RPS6KA2: variants seen among roughly 807,000 people sequenced by gnomAD.
RPS6KA2 encodes the protein ribosomal protein S6 kinase A2, also known as ribosomal protein S6 kinase alpha-2.
Under a neutral mutation model 91.8 loss-of-function variants are expected in RPS6KA2, and 42 were observed. That is an observed-to-expected ratio of 0.46 (90% CI 0.36 to 0.59). RPS6KA2 has a LOEUF of 0.59. Among genes scored for constraint, RPS6KA2 ranks in the 20% least tolerant of loss-of-function variants. The pLI is 0.00. For missense variants in RPS6KA2, 798 were observed against 978.5 expected (o/e 0.82, Z 2.46); for synonymous variants, 414 against 393.6 (o/e 1.05, Z -0.61).
intron 3 of RPS6KA2, among the ~76,000 whole-genome samples, chr6:166,530,127 C>T (rs1783214144): frequency 6.6e-6 from 1 of 152,202 alleles, no homozygotes. Context: ...ATTTGTACTG[C>T]TCCCCTGCCT....
At position 166,563,935 on chromosome 6, in the gene RPS6KA2, G is replaced by A. The variant is rs1179581393; in HGVS notation, c.100-25151C>T. ...CTGGACGTGGCAGGAAAGAGGAGAC[G>A]ATTACTCCGTGTCTCAGCATGAAGA... On this transcript the variant is annotated intron_variant, in intron 1 of 20. Coordinates refer to ENST00000265678, the MANE Select transcript of RPS6KA2 (RefSeq NM_021135.6). The surrounding 1 kb of genome is among the most constrained non-coding windows in gnomAD (Gnocchi z 4.1). Among the ~76,000 whole-genome samples the A allele has an allele frequency of 1.3e-5, 2 of 152,142 alleles. No homozygotes were observed. The highest frequency in any genetic ancestry group is 2.9e-5 in the Non-Finnish European group (2 of 68,034).
At chr6:166,446,922 G>A (rs756541511) in intron 14 of RPS6KA2, among the ~76,000 whole-genome samples, 1 of 151,196 alleles carries the variant, frequency 6.6e-6, no homozygotes, top group Admixed American at 6.5e-5. Flanking sequence ...GTAGGCTTAC[G>A]AAGCACATGT....
chr6:166,525,934 C>T (rs1783011502), intron 3 of RPS6KA2, among the ~76,000 whole-genome samples: 1 of 152,164 alleles, frequency 6.6e-6, no homozygotes. Context: ...CTGAGACAAA[C>T]TTGGAGGTCC....
At position 166,419,642 on chromosome 6, in the gene RPS6KA2, G is replaced by A. The variant is rs542448778; in HGVS notation, c.1820+240C>T. Among the ~76,000 whole-genome samples the A allele has an allele frequency of 6.6e-6, 1 of 152,332 alleles. No homozygotes were observed. Among genetic ancestry groups the A allele is most frequent in the East Asian group, 1.9e-4 (1 of 5,184 alleles). On this transcript the variant is annotated intron_variant, in intron 18 of 20. Transcript: ENST00000265678. The surrounding 1 kb of genome is among the most constrained non-coding windows in gnomAD (Gnocchi z 5.6). The stretch of plus-strand genomic sequence containing the variant: ...ATGCTGGCAAAAGACTTGATGTTTT[G>A]TTCATGAGCTGAGTTTAAAGAAAAT...
rs1040383437 is a variant in RPS6KA2, at chr6:166,500,756, T to G, written c.604+131A>C. ...AGCAGTCTGTAGCTATAGAAAATTC[T>G]GCCAAATCAGAGACAAGCATCTGGC... On this transcript the variant is annotated intron_variant, in intron 7 of 20. Coordinates refer to ENST00000265678, the MANE Select transcript of RPS6KA2 (RefSeq NM_021135.6). This position sits in a 1 kb window ranked among gnomAD's most constrained non-coding sequence, Gnocchi z 4.3. The G allele has an allele frequency of 3.7e-6, 3 of 808,558 alleles. No individual in the cohort carries two copies. The highest frequency in any genetic ancestry group is 4.2e-6 in the Non-Finnish European group (2 of 481,892). The allele number at this position is 808,558 out of a possible 1,614,324, so 50.1% of individuals were successfully genotyped here.
At chr6:166,558,982 C>T (rs2128504635) in intron 1 of RPS6KA2, among the ~76,000 whole-genome samples, 1 of 152,268 alleles carries the variant, frequency 6.6e-6, no homozygotes, top group South Asian at 2.1e-4. Flanking sequence ...TGGTTTTGTG[C>T]TTTTGAGTGG....
At chr6:166,502,325 T>C (rs1232961983) in intron 6 of RPS6KA2, among the ~76,000 whole-genome samples, 1 of 152,272 alleles carries the variant, frequency 6.6e-6, no homozygotes, top group East Asian at 1.9e-4. Flanking sequence ...CAATTTATAA[T>C]GAACAAGGCA....
chr6:166,418,082 T>A lies in RPS6KA2; in HGVS notation c.1938+143A>T, dbSNP rs551642317. 3.1e-6 allele frequency: 2 copies of A among 640,136 alleles called. No individual in the cohort carries two copies. The highest frequency in any genetic ancestry group is 5.5e-6 in the Non-Finnish European group (2 of 364,410). The allele number at this position is 640,136 out of a possible 1,614,324, so 39.7% of individuals were successfully genotyped here. A position where few individuals can be genotyped will look rare whatever the true frequency, so the allele number is the denominator to read the frequency against. ...CAGCCTGGGTGAGACAGAGCGAGAC[T>A]CCATTTCAAGAAAAAAAAAAAAATA... is the stretch of plus-strand genomic sequence containing the variant. On this transcript the variant is annotated intron_variant, in intron 19 of 20. Coordinates refer to ENST00000265678, the MANE Select transcript of RPS6KA2 (RefSeq NM_021135.6). This position sits in a 1 kb window ranked among gnomAD's most constrained non-coding sequence, Gnocchi z 4.9.
In RPS6KA2 at chr6:166,770,793, G is replaced by GTCTTT; in HGVS notation, c.123+87406_123+87407insAAAGA. 7.0e-7 allele frequency: 1 copy of GTCTTT among 1,426,840 alleles called. No homozygotes were observed. The allele number at this position is 1,426,840 out of a possible 1,614,324, so 88.4% of individuals were successfully genotyped here. On this transcript the variant is annotated intron_variant, in intron 2 of 21. Coordinates refer to the RPS6KA2 transcript ENST00000503859. This position sits in a 1 kb window ranked among gnomAD's most constrained non-coding sequence, Gnocchi z 5.1. Reference sequence around the variant, plus strand: ...CTCAATAAATTGAAAAAGACTTCATGTTTAACTTAAAAAAAAAATGTAACT... The same window carrying GTCTTT: ...CTCAATAAATTGAAAAAGACTTCATGTCTTTTTTAACTTAAAAAAAAAATGTAACT...
chr6:166,583,583 G>A (rs1028531466), intron 1 of RPS6KA2, among the ~76,000 whole-genome samples: 1 of 152,224 alleles, frequency 6.6e-6, no homozygotes, highest in African/African-American at 2.4e-5. Flanking sequence ...TGACAAAGGA[G>A]AGACGCTCCT....
intron 2 of RPS6KA2, among the ~76,000 whole-genome samples, chr6:166,838,498 T>C: frequency 6.6e-6 from 1 of 152,102 alleles, no homozygotes; most frequent in East Asian, 1.9e-4. Context: ...AATACAAATA[T>C]AAAACAAAAT....
chr6:166,538,610 T>C, intron 2 of RPS6KA2, 58 bp downstream of exon 2: 1 of 978,322 alleles, frequency 1.0e-6, no homozygotes, highest in East Asian at 2.4e-5. Flanking sequence ...GGGGGCTCTG[T>C]CCAGGTGTCC....
chr6:166,438,674 C>G (rs3778435), intron 14 of RPS6KA2, among the ~76,000 whole-genome samples: 138,950 of 152,308 alleles, frequency 0.91, 63,484 homozygotes, highest in Middle Eastern at 0.94. Context: ...TTTACAAGTG[C>G]AACAGTCAGT....
rs1052070245 is a variant in RPS6KA2, at chr6:166,495,409, C to A, written c.747+3099G>T. 1.3e-5 allele frequency among the ~76,000 whole-genome samples: 2 copies of A among 152,184 alleles called. No homozygotes were observed. The highest frequency in any genetic ancestry group is 3.9e-4 in the East Asian group (2 of 5,192). On this transcript the variant is annotated intron_variant, in intron 8 of 20. Transcript: ENST00000265678. The surrounding 1 kb of genome is among the most constrained non-coding windows in gnomAD (Gnocchi z 4.4). ...ACAATTCAGTAAGAAATGTCCTGTGCCCAGGGAGGCACGTGGGAGGAGAGT... is the reference window on the plus strand; with the variant it reads ...ACAATTCAGTAAGAAATGTCCTGTGACCAGGGAGGCACGTGGGAGGAGAGT...
chr6:166,789,059 G>A (rs1325475595), intron 2 of RPS6KA2, among the ~76,000 whole-genome samples: 2 of 152,150 alleles, frequency 1.3e-5, no homozygotes, highest in Admixed American at 6.6e-5. Context: ...GCAGGGCGAG[G>A]CATTACCTCA....
rs111947964 is a variant in RPS6KA2 at position 166,626,214 on chromosome 6, A to C, written c.99+707T>G. ...TTTGATGGTTGAAATAAAACACACCACGAGAGAACCGTCCACAAGGAAACT... is the reference window on the plus strand; with the variant it reads ...TTTGATGGTTGAAATAAAACACACCCCGAGAGAACCGTCCACAAGGAAACT... On this transcript the variant is annotated intron_variant, in intron 1 of 20. Transcript: ENST00000265678. This position sits in a 1 kb window ranked among gnomAD's most constrained non-coding sequence, Gnocchi z 4.1. 6.6e-6 allele frequency among the ~76,000 whole-genome samples: 1 copy of C among 152,358 alleles called. No homozygotes were observed. The highest frequency in any genetic ancestry group is 6.5e-5 in the Admixed American group (1 of 15,304).
At chr6:166,620,041 C>T (rs1207816352) in intron 1 of RPS6KA2, among the ~76,000 whole-genome samples, 1 of 152,216 alleles carries the variant, frequency 6.6e-6, no homozygotes, top group Non-Finnish European at 1.5e-5. Context: ...GCCAAGATGT[C>T]TTGGTGCAAA....
At chr6:166,745,122 C>G (rs1356549665) in intron 2 of RPS6KA2, among the ~76,000 whole-genome samples, 1 of 148,548 alleles carries the variant, frequency 6.7e-6, no homozygotes, top group African/African-American at 2.5e-5. Flanking sequence ...GGCCCTTTCT[C>G]TGTGTGTGTC....
chr6:166,846,417 T>A (rs1780606816), intron 2 of RPS6KA2, among the ~76,000 whole-genome samples: 2 of 151,876 alleles, frequency 1.3e-5, no homozygotes, highest in African/African-American at 4.8e-5. Context: ...AAAAGAAAAC[T>A]ATAGACCAAT....
Sources: allele counts gnomAD v4.1 joint callset (sites outside exome capture counted in the v4.1 genomes callset), GRCh38; gene constraint gnomAD v4.1.1; non-coding constraint Gnocchi (gnomAD v3.1); transcripts MANE v1.5; gene names NCBI Gene and HGNC (gene_info 2026-07-23, HGNC 2026-07-21).